The following NUMB variants were observed in gnomAD, a reference collection of about 807,000 sequenced individuals.
The protein encoded by NUMB is NUMB endocytic adaptor protein.
NUMB carries 29 observed loss-of-function variants against 59.7 expected under a neutral mutation model. The observed-to-expected ratio is 0.49, with a 90% confidence interval of 0.36 to 0.66. NUMB has a LOEUF of 0.66. Among genes scored for constraint, NUMB ranks in the 30% least tolerant of loss-of-function variants. The pLI is 0.00. For synonymous variants in NUMB, 288 were observed against 288.2 expected, an observed-to-expected ratio of 1.00 and a Z score of 0.01; for missense variants, 723 against 822.0, an observed-to-expected ratio of 0.88 and a Z score of 1.47.
chr14:73,413,147 T>A (rs1000092657), intron 1 of NUMB, among the ~76,000 whole-genome samples: 5 of 151,730 alleles, frequency 3.3e-5, no homozygotes, highest in Non-Finnish European at 5.9e-5. Flanking sequence ...TGCAGTGGCG[T>A]GATCTCGGCT....
At chr14:73,433,358 G>A (rs539812286) in intron 1 of NUMB, among the ~76,000 whole-genome samples, 3 of 152,234 alleles carry the variant, frequency 2.0e-5, no homozygotes, top group East Asian at 1.9e-4. Context: ...GGAGACGGAG[G>A]TTGCAGTGAG....
At chr14:73,295,793 AAC>A (rs1440925103) in intron 7 of NUMB, among the ~76,000 whole-genome samples, 1 of 152,072 alleles carries the variant, frequency 6.6e-6, no homozygotes, top group East Asian at 1.9e-4. Context: ...GTACTTATAT[AAC>A]ACCCTATGCT....
chr14:73,287,127 ATTTGT>A lies in NUMB; in HGVS notation c.633_637del (p.Lys211AsnfsTer8). 6.2e-7 allele frequency: 1 copy of A among 1,613,982 alleles called. No individual in the cohort carries two copies. Among genetic ancestry groups the A allele is most frequent in the East Asian group, 2.2e-5 (1 of 44,850 alleles). ...GATTGTACCTTTCTTGGCATCTTGC[ATTTGT>A]TTCATGATCTCCTCTCTTTCTGCTT... On this transcript the variant is annotated frameshift_variant, in exon 9 of 13. Coordinates refer to ENST00000555238, the MANE Select transcript of NUMB (RefSeq NM_001005743.2). LOFTEE classifies it high-confidence loss of function.
chr14:73,423,338 G>GAAA (rs34877673), intron 1 of NUMB, among the ~76,000 whole-genome samples: 2 of 111,074 alleles, frequency 1.8e-5, no homozygotes, highest in Non-Finnish European at 2.0e-5. Context: ...TGTCTCTACT[G>GAAA]AAAAAAAAAA....
chr14:73,393,238 G>C (rs1255154530), intron 2 of NUMB, among the ~76,000 whole-genome samples: 1 of 151,986 alleles, frequency 6.6e-6, no homozygotes, highest in Non-Finnish European at 1.5e-5. Flanking sequence ...GAAAACTAAA[G>C]CACAGAGAAA....
At chr14:73,352,532 T>G (rs1188866903) in intron 4 of NUMB, among the ~76,000 whole-genome samples, 2 of 60,684 alleles carry the variant, frequency 3.3e-5, no homozygotes, top group Admixed American at 2.0e-4. Context: ...ATATATATGT[T>G]TTTTTTTTTT....
chr14:73,276,329 AG>A lies in NUMB; in HGVS notation c.*248del, dbSNP rs1343702948. 1 of 434,574 alleles carries A rather than the reference AG, an allele frequency of 2.3e-6. No homozygotes were observed. Among genetic ancestry groups the A allele is most frequent in the East Asian group, 3.7e-5 (1 of 27,142 alleles). The allele number at this position is 434,574 out of a possible 1,614,324, so 26.9% of individuals were successfully genotyped here. On this transcript the variant is annotated 3_prime_UTR_variant, in exon 13 of 13. Coordinates refer to ENST00000555238, the MANE Select transcript of NUMB (RefSeq NM_001005743.2). ...GAGATTTGTAAGGGGGTAAGGGAAG[AG>A]GGAGTACAGAAAGCAACATTTCCTT...
intron 4 of NUMB, among the ~76,000 whole-genome samples, chr14:73,328,252 G>C (rs993441441): frequency 2.7e-5 from 4 of 147,126 alleles, no homozygotes; most frequent in African/African-American, 1.0e-4. Context: ...TCCAGCCTGG[G>C]AGACAGAGCA....
chr14:73,425,438 C>T (rs1430661269), intron 1 of NUMB, among the ~76,000 whole-genome samples: 1 of 152,012 alleles, frequency 6.6e-6, no homozygotes, highest in African/African-American at 2.4e-5. Flanking sequence ...AACTCCTGGC[C>T]TCAAGCAATC....
intron 6 of NUMB, among the ~76,000 whole-genome samples, chr14:73,300,411 T>G: frequency 6.6e-6 from 1 of 152,176 alleles, no homozygotes; most frequent in Admixed American, 6.5e-5. Flanking sequence ...TTTATGGTTT[T>G]AATTTACCTG....
At chr14:73,310,558 G>A (rs1199307006) in intron 6 of NUMB, among the ~76,000 whole-genome samples, 1 of 152,180 alleles carries the variant, frequency 6.6e-6, no homozygotes, top group Non-Finnish European at 1.5e-5. Context: ...TGGGGTAGAT[G>A]AAAGAACTTT....
At chr14:73,303,212 C>A (rs1890246806) in intron 6 of NUMB, among the ~76,000 whole-genome samples, 1 of 151,638 alleles carries the variant, frequency 6.6e-6, no homozygotes, top group Admixed American at 6.6e-5. Flanking sequence ...AGTGAGACTC[C>A]ATCTCAAAAA....
chr14:73,455,498 T>C (rs1884298284), intron 1 of NUMB, among the ~76,000 whole-genome samples: 1 of 152,248 alleles, frequency 6.6e-6, no homozygotes, highest in African/African-American at 2.4e-5. Flanking sequence ...CAGTTTATTC[T>C]CAAGGGAGAA....
chr14:73,446,524 G>T (rs924018290), intron 1 of NUMB, among the ~76,000 whole-genome samples: 2 of 151,244 alleles, frequency 1.3e-5, no homozygotes, highest in African/African-American at 4.9e-5. Flanking sequence ...AGAATCACTT[G>T]AACTCGGGAG....
intron 4 of NUMB, among the ~76,000 whole-genome samples, chr14:73,327,898 G>A (rs1238702380): frequency 6.6e-6 from 1 of 151,808 alleles, no homozygotes; most frequent in African/African-American, 2.4e-5. Context: ...CAACTCCTCC[G>A]CCTGCCCTCC....
intron 1 of NUMB, among the ~76,000 whole-genome samples, chr14:73,411,470 G>A (rs1464977925): frequency 6.6e-6 from 1 of 151,954 alleles, no homozygotes; most frequent in African/African-American, 2.4e-5. Flanking sequence ...CCTTCCAGGA[G>A]ACAAAAAAAG....
intron 1 of NUMB, among the ~76,000 whole-genome samples, chr14:73,439,075 C>T (rs1882833043): frequency 6.6e-6 from 1 of 152,132 alleles, no homozygotes; most frequent in Admixed American, 6.5e-5. Context: ...TATATACCAA[C>T]CATGTTTAAT....
intron 2 of NUMB, among the ~76,000 whole-genome samples, chr14:73,403,352 T>C (rs1000316036): frequency 6.6e-6 from 1 of 152,226 alleles, no homozygotes; most frequent in Admixed American, 6.5e-5. Flanking sequence ...TCACCCATTA[T>C]ATATCACCAT....
chr14:73,370,420 G>A (rs1158628530), intron 2 of NUMB, among the ~76,000 whole-genome samples: 2 of 152,208 alleles, frequency 1.3e-5, no homozygotes, highest in African/African-American at 4.8e-5. Flanking sequence ...CGCCAGGCGT[G>A]GTGGCTCACG....
Sources: gnomAD v4.1 joint callset for allele counts (sites outside exome capture counted in the v4.1 genomes callset) on GRCh38, gnomAD v4.1.1 for gene constraint, MANE v1.5 for transcripts, NCBI Gene and HGNC (gene_info 2026-07-23, HGNC 2026-07-21) for gene names.